Variants in CNST observed in about 807,000 individuals in gnomAD.
CNST encodes the protein consortin, connexin sorting protein, also known as consortin.
In CNST, 39 loss-of-function variants were observed where a neutral mutation model predicts 72.4. The observed-to-expected ratio is 0.54, with a 90% confidence interval of 0.42 to 0.70. The LOEUF is 0.70. Among genes scored for constraint, CNST ranks in the 30% least tolerant of loss-of-function variants. CNST has a pLI of 0.00. For missense variants in CNST, 871 were observed against 868.5 expected (o/e 1.00, Z -0.04); for synonymous variants, 332 against 320.1 (o/e 1.04, Z -0.40).
chr1:246,579,655 T>C (rs1660660482), intron 1 of CNST, among the ~76,000 whole-genome samples: 1 of 152,102 alleles, frequency 6.6e-6, no homozygotes, highest in East Asian at 1.9e-4. Context: ...CTTGGGAGGC[T>C]GAGGCAGGAG....
intron 1 of CNST, among the ~76,000 whole-genome samples, chr1:246,585,696 C>G (rs2103017769): frequency 7.0e-6 from 1 of 143,770 alleles, no homozygotes; most frequent in East Asian, 2.0e-4. Context: ...CACACACACA[C>G]ACACACACAC....
intron 1 of CNST, among the ~76,000 whole-genome samples, chr1:246,590,008 G>T (rs1388072675): frequency 6.6e-6 from 1 of 152,102 alleles, no homozygotes; most frequent in African/African-American, 2.4e-5. Context: ...GTAGATTCTG[G>T]ACATTAGCCC....
chr1:246,648,555 A>G (rs1666264227), intron 9 of CNST, among the ~76,000 whole-genome samples: 1 of 152,230 alleles, frequency 6.6e-6, no homozygotes, highest in African/African-American at 2.4e-5. Flanking sequence ...AAAGAGATTA[A>G]GGAAAAATTA....
chr1:246,649,661 G>A (rs571699794), intron 9 of CNST, among the ~76,000 whole-genome samples: 8 of 152,022 alleles, frequency 5.3e-5, no homozygotes, highest in East Asian at 1.9e-4. Flanking sequence ...CTTATAAAAC[G>A]TTTTCCTCTA....
intron 9 of CNST, among the ~76,000 whole-genome samples, chr1:246,648,929 A>G (rs1666288817): frequency 6.6e-6 from 1 of 152,232 alleles, no homozygotes; most frequent in Admixed American, 6.5e-5. Flanking sequence ...AGTAAAATAT[A>G]TGTGAAAACA....
chr1:246,645,723 G>A (rs990458677), intron 8 of CNST, among the ~76,000 whole-genome samples: 6 of 151,888 alleles, frequency 4.0e-5, no homozygotes, highest in East Asian at 3.9e-4. Context: ...CACCGCGCCC[G>A]GCCAAAAAGG....
intron 6 of CNST, among the ~76,000 whole-genome samples, chr1:246,636,999 T>C (rs985971339): frequency 9.9e-5 from 15 of 152,138 alleles, no homozygotes; most frequent in Admixed American, 7.2e-4. Context: ...ATTAAGACTT[T>C]TGGTTGGAAG....
intron 1 of CNST, among the ~76,000 whole-genome samples, chr1:246,568,349 C>A (rs1659853073): frequency 6.6e-6 from 1 of 151,988 alleles, no homozygotes; most frequent in Admixed American, 6.6e-5. Context: ...TTATAATATT[C>A]CCTTTTTACA....
intron 3 of CNST, among the ~76,000 whole-genome samples, chr1:246,626,308 C>T (rs1369632477): frequency 6.6e-6 from 1 of 151,958 alleles, no homozygotes; most frequent in East Asian, 1.9e-4. Context: ...ACCTTGGTGT[C>T]CCAAAGTGTT....
chr1:246,573,718 C>T (rs1247085543), intron 1 of CNST, among the ~76,000 whole-genome samples: 5 of 152,200 alleles, frequency 3.3e-5, no homozygotes, highest in African/African-American at 1.2e-4. Context: ...GAACACTTAT[C>T]TGGGCTGAGG....
rs757096627 is a variant in CNST at position 246,666,812 on chromosome 1, TAAGTAA to T, written c.*908_*913del. On this transcript the variant is annotated 3_prime_UTR_variant, in exon 11 of 11. Transcript: ENST00000366513. ...GATTCTGAGAACCAGAATGCAAACT[TAAGTAA>T]GATACAGTTCCCACTGTAGGTGTTT... 6.6e-6 allele frequency: 1 copy of T among 152,314 alleles called. No individual in the cohort carries two copies. The highest frequency in any genetic ancestry group is 1.5e-5 in the Non-Finnish European group (1 of 68,030). 9.4% of individuals were successfully genotyped at this position (152,314 alleles called of 1,614,324 possible).
At chr1:246,644,123 G>T (rs544081724) in intron 8 of CNST, among the ~76,000 whole-genome samples, 14 of 152,212 alleles carry the variant, frequency 9.2e-5, no homozygotes, top group African/African-American at 2.9e-4. Context: ...TCATTTTGCC[G>T]GGCGCGATGG....
At chr1:246,664,849 A>G (rs1378005624) in intron 10 of CNST, among the ~76,000 whole-genome samples, 1 of 152,240 alleles carries the variant, frequency 6.6e-6, no homozygotes, top group Non-Finnish European at 1.5e-5. Flanking sequence ...GCTGCAGATC[A>G]GAAGACTTTT....
intron 9 of CNST, among the ~76,000 whole-genome samples, chr1:246,652,386 C>T (rs1311348747): frequency 1.3e-5 from 2 of 152,150 alleles, no homozygotes; most frequent in Admixed American, 6.5e-5. Context: ...GATGAGGTAG[C>T]TGTTTTCTGA....
chr1:246,597,435 T>C (rs1661963979), intron 2 of CNST, among the ~76,000 whole-genome samples: 1 of 152,174 alleles, frequency 6.6e-6, no homozygotes, highest in South Asian at 2.1e-4. Context: ...GTTTGTATAT[T>C]TGTATGAGAC....
In CNST at chr1:246,591,833, C is replaced by G; in HGVS notation, c.271C>G (p.Leu91Val). 1 of 1,613,938 alleles carries G rather than the reference C, an allele frequency of 6.2e-7. No homozygotes were observed. The highest frequency in any genetic ancestry group is 1.1e-5 in the South Asian group (1 of 91,050). ...VAAGENLQNT[L>V]CEASRDEQAF... ...TGCAGGTGAGAACTTGCAAAACACCCTTTGTGAAGCCTCCAGAGATGAACA... is the reference window on the plus strand; with the variant it reads ...TGCAGGTGAGAACTTGCAAAACACCGTTTGTGAAGCCTCCAGAGATGAACA... The change falls in exon 2 of 11, where the codon CTT becomes GTT. Residue 91 changes from leucine (L) to valine (V), a missense_variant. By Grantham distance (32) the Leu-to-Val change is conservative. Transcript: ENST00000366513.
rs558048604 is a variant in CNST, at chr1:246,643,708, A to G, written c.937+1671A>G. On this transcript the variant is annotated intron_variant, in intron 8 of 10. Coordinates refer to ENST00000366513, the MANE Select transcript of CNST (RefSeq NM_152609.3). ...ATCCAGATGTCCCAGGAATAACCCT[A>G]TGAGGGAGTATGGACTAAATTCTGG... Among the ~76,000 whole-genome samples, 14 of 152,328 alleles carry G rather than the reference A, an allele frequency of 9.2e-5. 1 individual carries two copies. The South Asian group carries it at 2.9e-3, about 32-fold the overall frequency.
At chr1:246,638,884 A>G (rs970402141) in intron 6 of CNST, among the ~76,000 whole-genome samples, 1 of 152,208 alleles carries the variant, frequency 6.6e-6, no homozygotes, top group African/African-American at 2.4e-5. Flanking sequence ...GCTGGTTAGC[A>G]CGGTGATTTG....
chr1:246,601,323 C>T (rs6662051), intron 2 of CNST, among the ~76,000 whole-genome samples: 3,549 of 151,960 alleles, frequency 0.023, 139 homozygotes, highest in African/African-American at 0.082. Flanking sequence ...AAAAACAAAA[C>T]AATACAAAAC....
Sources: allele counts gnomAD v4.1 joint callset (sites outside exome capture counted in the v4.1 genomes callset), GRCh38; gene constraint gnomAD v4.1.1; transcripts MANE v1.5; gene names NCBI Gene and HGNC (gene_info 2026-07-23, HGNC 2026-07-21).